The following SCARB2 variants were observed in gnomAD, a reference collection of about 807,000 sequenced individuals.
SCARB2 encodes scavenger receptor class B member 2.
In SCARB2, 29 loss-of-function variants were observed where a neutral mutation model predicts 58.6. That is an observed-to-expected ratio of 0.49 (90% CI 0.37 to 0.67). SCARB2 has a LOEUF of 0.67. Ranked by LOEUF, SCARB2 falls within the 30% of genes least tolerant of loss-of-function variation. The probability of loss-of-function intolerance (pLI) is 0.00; values close to 1 mark genes in which losing one functional copy is unlikely to be tolerated. For missense variants in SCARB2, 488 were observed against 578.5 expected, an observed-to-expected ratio of 0.84 and a Z score of 1.60; for synonymous variants, 195 against 210.1, an observed-to-expected ratio of 0.93 and a Z score of 0.62.
rs1248656159 is a variant in SCARB2, at chr4:76,168,405, A to C, written c.1185T>G (p.Phe395Leu). 1 of 1,613,692 alleles carries C rather than the reference A, an allele frequency of 6.2e-7. No individual in the cohort carries two copies. The highest frequency in any genetic ancestry group is 1.3e-5 in the African/African-American group (1 of 74,906). The change falls in exon 9 of 12, where the codon TTT (phenylalanine) becomes TTG (leucine). Residue 395 changes from phenylalanine (F) to leucine (L), a missense_variant and splice_region_variant. Physicochemically the swap from Phe to Leu is conservative, Grantham distance 22. Transcript: ENST00000264896. ...CCATAGAAAGAAGCAAAACTTACAC[A>C]AAGTCATCTAATTTTTTGACATAAA... Reference protein sequence around the residue: ...INIYVKKLDDFVETGDIRTMV... With the variant: ...INIYVKKLDDLVETGDIRTMV...
chr4:76,160,696 A>G lies in SCARB2; in HGVS notation c.*1017T>C, dbSNP rs1731878541. 1 of 152,206 alleles carries G rather than the reference A, an allele frequency of 6.6e-6. No homozygotes were observed. The highest frequency in any genetic ancestry group is 2.4e-5 in the African/African-American group (1 of 41,452). The allele number at this position is 152,206 out of a possible 1,614,324, so 9.4% of individuals were successfully genotyped here. A position where few individuals can be genotyped will look rare whatever the true frequency, so the allele number is the denominator to read the frequency against. On this transcript the variant is annotated 3_prime_UTR_variant, in exon 12 of 12. Coordinates refer to ENST00000264896, the MANE Select transcript of SCARB2 (RefSeq NM_005506.4). ...ATTACCAAGAAGGCGGCTGTCCCAG[A>G]AGAAATATCTCTTTAGTCTAATCAG...
At chr4:76,222,670 C>T (rs1733330210) in intron 1 of SCARB2, among the ~76,000 whole-genome samples, 3 of 152,190 alleles carry the variant, frequency 2.0e-5, no homozygotes, top group Admixed American at 6.5e-5. Flanking sequence ...CAAACCCATC[C>T]TTTGCTTGTC....
intron 2 of SCARB2, among the ~76,000 whole-genome samples, chr4:76,191,474 C>T (rs1252851596): frequency 6.6e-6 from 1 of 152,048 alleles, no homozygotes; most frequent in Non-Finnish European, 1.5e-5. Flanking sequence ...TGAGTTCTCA[C>T]GAGATCTGGC....
intron 3 of SCARB2, 113 bp downstream of exon 3, chr4:76,180,841 T>C (rs1732367157): frequency 3.7e-6 from 3 of 804,138 alleles, no homozygotes; most frequent in Non-Finnish European, 5.7e-6. Context: ...TTTTTATATA[T>C]GTATATTTCA....
chr4:76,165,420 C>T (rs1731986613), intron 10 of SCARB2: 1 of 152,136 alleles, frequency 6.6e-6, no homozygotes, highest in Admixed American at 6.5e-5. Context: ...ATCTGAACTG[C>T]ACCTGCCTCT....
intron 1 of SCARB2, among the ~76,000 whole-genome samples, chr4:76,197,136 G>A (rs2109962000): frequency 6.6e-6 from 1 of 152,252 alleles, no homozygotes; most frequent in Non-Finnish European, 1.5e-5. Flanking sequence ...CTAGCATCCA[G>A]AACTATGAGA....
chr4:76,203,392 G>GT (rs1732868939), intron 1 of SCARB2, among the ~76,000 whole-genome samples: 1 of 152,200 alleles, frequency 6.6e-6, no homozygotes. Context: ...CCAGAAAGCA[G>GT]TGTATGAGCA....
chr4:76,163,438 T>A, intron 10 of SCARB2, 55 bp from the exon 11 acceptor site: 1 of 1,593,188 alleles, frequency 6.3e-7, no homozygotes, highest in Non-Finnish European at 8.6e-7. Flanking sequence ...TGTGTAACTG[T>A]TTTTTGCTAT....
At chr4:76,178,790 C>G (rs752973681) in intron 4 of SCARB2, among the ~76,000 whole-genome samples, 4 of 152,154 alleles carry the variant, frequency 2.6e-5, no homozygotes, top group Non-Finnish European at 5.9e-5. Context: ...TTAACAATTT[C>G]TACGTTTTAT....
rs779322210 is a variant in SCARB2 at position 76,162,042 on chromosome 4, G to C, written c.1399-291C>G. On this transcript the variant is annotated intron_variant, in intron 11 of 11. Transcript: ENST00000264896. The stretch of plus-strand genomic sequence containing the variant: ...ACTCTATTCAACTTGCCTCCTTCCT[G>C]GTTTGAAACCTACTAAGGAGTAGTG... 50 of 488,054 alleles carry C rather than the reference G, an allele frequency of 1.0e-4. 1 individual carries two copies. Among genetic ancestry groups the C allele is most frequent in the Non-Finnish European group, 1.7e-4 (46 of 267,222 alleles). The allele number at this position is 488,054 out of a possible 1,614,324, so 30.2% of individuals were successfully genotyped here.
chr4:76,177,451 T>G (rs761310828), intron 4 of SCARB2, among the ~76,000 whole-genome samples: 2 of 152,168 alleles, frequency 1.3e-5, no homozygotes, highest in Non-Finnish European at 2.9e-5. Flanking sequence ...AGAAAACAGT[T>G]TGTCAGTTCT....
chr4:76,226,376 GTTC>G (rs1282188941), intron 1 of SCARB2, among the ~76,000 whole-genome samples: 2 of 152,204 alleles, frequency 1.3e-5, no homozygotes, highest in African/African-American at 4.8e-5. Context: ...TGGAGAACAG[GTTC>G]TTCTAATTCA....
chr4:76,190,403 G>C (rs538252634), intron 2 of SCARB2, among the ~76,000 whole-genome samples: 3 of 152,302 alleles, frequency 2.0e-5, no homozygotes, highest in South Asian at 2.1e-4. Flanking sequence ...AAGATGTGAA[G>C]GTCAAGAGAG....
At position 76,197,264 on chromosome 4, in the gene SCARB2, C is replaced by A. The variant is rs1051347638; in HGVS notation, c.118-1400G>T. On this transcript the variant is annotated intron_variant, in intron 1 of 11. Transcript: ENST00000264896. ...TTCTCCCTGCCTCACTGACTTCAGG[C>A]TAGGCCAAGTGACTAGATTTGACCA... is the stretch of plus-strand genomic sequence containing the variant. Among the ~76,000 whole-genome samples, 3 of 152,352 alleles carry A rather than the reference C, an allele frequency of 2.0e-5. No individual in the cohort carries two copies. The South Asian group carries it at 6.2e-4, about 32-fold the overall frequency.
rs754478823 is a variant in SCARB2 at position 76,174,252 on chromosome 4, T to C, written c.886A>G (p.Lys296Glu). 1.2e-6 allele frequency: 2 copies of C among 1,614,210 alleles called. No homozygotes were observed. The highest frequency in any genetic ancestry group is 2.2e-5 in the East Asian group (1 of 44,890). Reference sequence around the variant, plus strand: ...TTGGCTAATATTTCTGCAGGAACTTTATACCGAAAGGCAGGCAGTCCCTGT... The same window carrying C: ...TTGGCTAATATTTCTGCAGGAACTTCATACCGAAAGGCAGGCAGTCCCTGT... Reference protein sequence around the residue: ...SVQGLPAFRYKVPAEILANTS... With the variant: ...SVQGLPAFRYEVPAEILANTS... The change falls in exon 7 of 12, where the codon AAA becomes GAA. Residue 296 changes from lysine to glutamate, a missense_variant. By Grantham distance (56) the Lys-to-Glu change is moderately conservative (BLOSUM62 1). Coordinates refer to ENST00000264896, the MANE Select transcript of SCARB2 (RefSeq NM_005506.4).
intron 2 of SCARB2, 94 bp from the exon 3 acceptor site, chr4:76,181,195 A>G: frequency 2.4e-6 from 3 of 1,265,256 alleles, no homozygotes; most frequent in Non-Finnish European, 3.4e-6. Context: ...TATTTTCAAT[A>G]TAACATTCCC....
upstream of SCARB2, among the ~76,000 whole-genome samples, chr4:76,217,062 T>C (rs1050346076): frequency 3.7e-4 from 57 of 152,226 alleles, no homozygotes; most frequent in African/African-American, 1.3e-3. Context: ...CAATGCCCTT[T>C]GGGACTTCCT....
At chr4:76,224,919 A>G (rs1340700007) in intron 1 of SCARB2, among the ~76,000 whole-genome samples, 3 of 151,962 alleles carry the variant, frequency 2.0e-5, no homozygotes, top group Non-Finnish European at 4.4e-5. Flanking sequence ...CCTTCCCCCC[A>G]AGTCCCCAGA....
chr4:76,233,495 T>C (rs1297111840), intron 1 of SCARB2, among the ~76,000 whole-genome samples: 2 of 152,190 alleles, frequency 1.3e-5, no homozygotes, highest in Middle Eastern at 3.2e-3. Flanking sequence ...ACAGCTTTTA[T>C]CTTCCCTTAA....
Sources: allele counts gnomAD v4.1 joint callset (sites outside exome capture counted in the v4.1 genomes callset), GRCh38; gene constraint gnomAD v4.1.1; transcripts MANE v1.5; gene names NCBI Gene and HGNC (gene_info 2026-07-23, HGNC 2026-07-21).